The following SLIT3 variants were observed in gnomAD, a reference collection of about 807,000 sequenced individuals.
SLIT3 encodes the protein slit guidance ligand 3.
SLIT3 carries 68 observed loss-of-function variants against 184.0 expected under a neutral mutation model. That is an observed-to-expected ratio of 0.37 (90% CI 0.30 to 0.45). The LOEUF (loss-of-function observed/expected upper bound fraction) is 0.45, where lower values mean the gene tolerates loss of function less well. Among genes scored for constraint, SLIT3 ranks in the 20% least tolerant of loss-of-function variants. The probability of loss-of-function intolerance (pLI) is 1.00; values close to 1 mark genes in which losing one functional copy is unlikely to be tolerated. For missense variants in SLIT3, 1,707 were observed against 2,026.0 expected (o/e 0.84, Z 3.02); for synonymous variants, 831 against 828.6 (o/e 1.00, Z -0.05).
chr5:168,740,601 G>A (rs910417023), intron 20 of SLIT3, among the ~76,000 whole-genome samples: 5 of 152,088 alleles, frequency 3.3e-5, no homozygotes, highest in African/African-American at 9.7e-5. Flanking sequence ...CTCCAGGTCT[G>A]CCAGCTTTCA....
chr5:168,974,039 T>C (rs1377447430), intron 4 of SLIT3, among the ~76,000 whole-genome samples: 1 of 152,212 alleles, frequency 6.6e-6, no homozygotes, highest in Non-Finnish European at 1.5e-5. Context: ...AACACTAAAT[T>C]ACACATTTCT....
chr5:169,117,868 T>C (rs998758702), intron 4 of SLIT3, among the ~76,000 whole-genome samples: 1 of 152,188 alleles, frequency 6.6e-6, no homozygotes, highest in Non-Finnish European at 1.5e-5. Flanking sequence ...GCCCTTTACG[T>C]GACACCCAAG....
rs10475884 is a variant in SLIT3, at chr5:168,669,490, C to T, written c.4336+293G>A. ...ATGCAACCCTGAGAGATCCCAGCTA[C>T]GCTCTTTCTGAATTCCCAACCCACA... On this transcript the variant is annotated intron_variant, in intron 35 of 35. Coordinates refer to ENST00000519560, the MANE Select transcript of SLIT3 (RefSeq NM_003062.4). Among the ~76,000 whole-genome samples, 792 of 152,200 alleles carry T rather than the reference C, an allele frequency of 5.2e-3. 7 individuals carry two copies. Among genetic ancestry groups the T allele is most frequent in the African/African-American group, 0.017 (712 of 41,506 alleles).
intron 6 of SLIT3, among the ~76,000 whole-genome samples, chr5:168,839,211 T>C (rs1217647314): frequency 6.6e-6 from 1 of 152,182 alleles, no homozygotes; most frequent in African/African-American, 2.4e-5. Flanking sequence ...CACTCCATCA[T>C]GCTGGTGAGC....
chr5:169,299,576 C>T (rs1036716868), intron 1 of SLIT3, among the ~76,000 whole-genome samples: 1 of 152,196 alleles, frequency 6.6e-6, no homozygotes. Flanking sequence ...GTTTCTCCCC[C>T]ACTCCCTTAC....
rs1201666525 is a variant in SLIT3, at chr5:168,662,816, A to G, written c.*3638T>C. Reference sequence around the variant, plus strand: ...ACGTACATTGCCACACAAACACTGAACCACACTTTTTCAGGAGCAAATTAA... The same window carrying G: ...ACGTACATTGCCACACAAACACTGAGCCACACTTTTTCAGGAGCAAATTAA... On this transcript the variant is annotated 3_prime_UTR_variant, in exon 36 of 36. Coordinates refer to ENST00000519560, the MANE Select transcript of SLIT3 (RefSeq NM_003062.4). 2 of 152,188 alleles carry G rather than the reference A, an allele frequency of 1.3e-5. No homozygotes were observed. Among genetic ancestry groups the G allele is most frequent in the Non-Finnish European group, 2.9e-5 (2 of 68,052 alleles). The allele number at this position is 152,188 out of a possible 1,614,324, so 9.4% of individuals were successfully genotyped here. A position where few individuals can be genotyped will look rare whatever the true frequency, so the allele number is the denominator to read the frequency against.
chr5:168,957,001 G>T (rs1762848634), intron 4 of SLIT3, among the ~76,000 whole-genome samples: 1 of 151,622 alleles, frequency 6.6e-6, no homozygotes, highest in Non-Finnish European at 1.5e-5. Context: ...GGCCGAGGCA[G>T]GTGGATCACC....
intron 4 of SLIT3, among the ~76,000 whole-genome samples, chr5:169,090,495 T>G (rs1487771791): frequency 6.6e-6 from 1 of 152,194 alleles, no homozygotes; most frequent in Non-Finnish European, 1.5e-5. Context: ...CGGCAGGCCT[T>G]GTCCTCCAGG....
intron 4 of SLIT3, among the ~76,000 whole-genome samples, chr5:169,141,423 TG>T (rs869123810): frequency 8.2e-4 from 81 of 98,964 alleles, no homozygotes; most frequent in Admixed American, 3.9e-3. Flanking sequence ...TTGTTTGTTT[TG>T]TTTTTTTTTT....
At chr5:168,929,908 G>T (rs1383955004) in intron 4 of SLIT3, among the ~76,000 whole-genome samples, 1 of 152,244 alleles carries the variant, frequency 6.6e-6, no homozygotes, top group Admixed American at 6.5e-5. Flanking sequence ...GCCTTATTCT[G>T]TGGGGTGTCC....
chr5:168,827,012 C>T (rs1003462991), intron 6 of SLIT3, among the ~76,000 whole-genome samples: 13 of 152,184 alleles, frequency 8.5e-5, no homozygotes, highest in African/African-American at 3.1e-4. Context: ...GATCCGCCTG[C>T]CTAGGCCTCC....
At chr5:169,083,369 T>C (rs944838182) in intron 4 of SLIT3, among the ~76,000 whole-genome samples, 1 of 152,150 alleles carries the variant, frequency 6.6e-6, no homozygotes, top group Non-Finnish European at 1.5e-5. Flanking sequence ...TCCTCCCACT[T>C]CAAAGCACAC....
At chr5:168,943,507 A>G (rs1762383918) in intron 4 of SLIT3, among the ~76,000 whole-genome samples, 1 of 152,208 alleles carries the variant, frequency 6.6e-6, no homozygotes, top group South Asian at 2.1e-4. Context: ...TAGTAATCTC[A>G]GTTCTGGGAC....
chr5:168,748,508 C>G, intron 19 of SLIT3, 74 bp from the exon 20 acceptor site: 1 of 1,402,600 alleles, frequency 7.1e-7, no homozygotes, highest in Non-Finnish European at 9.4e-7. Context: ...AGCAAGGCTG[C>G]GTGTTCTCCA....
intron 5 of SLIT3, among the ~76,000 whole-genome samples, chr5:168,874,400 T>C (rs1504959): frequency 0.49 from 74,250 of 152,056 alleles, 19,359 homozygotes; most frequent in African/African-American, 0.67. Flanking sequence ...CTGCAAGTCA[T>C]TTATTCCTTC....
At chr5:169,187,011 CAT>C (rs1491156345) in intron 4 of SLIT3, among the ~76,000 whole-genome samples, 2 of 107,924 alleles carry the variant, frequency 1.9e-5, no homozygotes, top group East Asian at 5.1e-4. Flanking sequence ...GCCTCAGTGG[CAT>C]TTTTTTTTTT....
intron 4 of SLIT3, among the ~76,000 whole-genome samples, chr5:169,128,709 T>A (rs748529564): frequency 5.3e-5 from 8 of 152,128 alleles, no homozygotes; most frequent in Non-Finnish European, 1.2e-4. Context: ...GGATTACAGG[T>A]GTGAGCCACC....
chr5:169,293,026 C>T (rs1767402747), intron 1 of SLIT3, among the ~76,000 whole-genome samples: 1 of 152,096 alleles, frequency 6.6e-6, no homozygotes, highest in African/African-American at 2.4e-5. Context: ...TAATACAGTC[C>T]AAGAAGATTG....
intron 32 of SLIT3, among the ~76,000 whole-genome samples, chr5:168,683,064 T>C (rs543411948): frequency 1.3e-4 from 20 of 152,214 alleles, no homozygotes; most frequent in Non-Finnish European, 2.9e-4. Flanking sequence ...GGAGCAGCTA[T>C]ATGCAAAAAG....
Sources: allele counts gnomAD v4.1 joint callset (sites outside exome capture counted in the v4.1 genomes callset), GRCh38; gene constraint gnomAD v4.1.1; transcripts MANE v1.5; gene names NCBI Gene and HGNC (gene_info 2026-07-23, HGNC 2026-07-21).